The following COX7B variants were observed in gnomAD, a reference collection of about 807,000 sequenced individuals.
The protein encoded by COX7B is cytochrome c oxidase subunit 7B, mitochondrial.
Under a neutral mutation model 7.9 loss-of-function variants are expected in COX7B, and 2 were observed. The observed-to-expected ratio is 0.25, with a 90% CI of 0.10 to 0.79. The LOEUF (loss-of-function observed/expected upper bound fraction) is 0.79. Among genes scored for constraint, COX7B ranks in the 30% least tolerant of loss-of-function variants. The probability of loss-of-function intolerance (pLI) is 0.69; values close to 1 mark genes in which losing one functional copy is unlikely to be tolerated. For synonymous variants in COX7B, 19 were observed against 21.1 expected (o/e 0.90, Z 0.27); for missense variants, 54 against 62.7 (o/e 0.86, Z 0.47).
At chrX:77,902,602 T>G in intron 1 of COX7B, 41 bp from the exon 2 acceptor site, 6 of 1,200,872 alleles carry the variant, frequency 5.0e-6, no homozygotes, top group Non-Finnish European at 6.7e-6. Context: ...ACCTGACAAT[T>G]GATAATATGC....
chrX:77,902,698 T>G lies in COX7B; in HGVS notation c.96T>G (p.Asp32Glu). ...AGAGCCACCAGAAACGTACACCTGA[T>G]TTTCATGACAAATACGGTAATGCTG... ...ARQSHQKRTP[D>E]FHDKYGNAVL... The change falls in exon 2 of 3, where the codon GAT becomes GAG. Residue 32 changes from aspartate (D) to glutamate (E), a missense_variant. Coordinates refer to ENST00000650309, the MANE Select transcript of COX7B (RefSeq NM_001866.3). The G allele has an allele frequency of 8.3e-7, 1 of 1,209,351 alleles. No homozygotes were observed. Among genetic ancestry groups the G allele is most frequent in the Non-Finnish European group, 1.1e-6 (1 of 894,403 alleles).
At chrX:77,904,173 C>T (rs782325126) in intron 2 of COX7B, among the ~76,000 whole-genome samples, 42 of 106,672 alleles carry the variant, frequency 3.9e-4, no homozygotes, top group African/African-American at 1.4e-3. Context: ...ACCTCGTGAT[C>T]CACCCACCTC....
intron 2 of COX7B, among the ~76,000 whole-genome samples, chrX:77,903,917 TTTTTTTGTTTTG>T (rs1334975767): frequency 4.6e-5 from 5 of 109,263 alleles, no homozygotes; most frequent in African/African-American, 1.3e-4. Flanking sequence ...CTGTGTTTTT[TTTTTTTGTTTTG>T]TTTTTTGTTT....
Position 77,902,643 on chromosome X carries a change from T to C in COX7B, c.41T>C (p.Val14Ala), listed in dbSNP as rs781898266. 6 of 1,209,107 alleles carry C rather than the reference T, an allele frequency of 5.0e-6. No individual in the cohort carries two copies. In the South Asian group the frequency reaches 1.1e-4, roughly 21 times the overall value. Residue 14 changes from valine to alanine, a missense_variant and splice_region_variant, in exon 2 of 3, where the codon GTT (valine) becomes GCT (alanine). By Grantham distance (64) the Val-to-Ala change is moderately conservative. Transcript: ENST00000650309. Reference protein sequence around the residue: ...LVKSALNRLQVRSIQQTMARQ... With the variant: ...LVKSALNRLQARSIQQTMARQ... ...TATTCTTTTTTCGTTTTCCTGTAAG[T>C]TCGAAGCATTCAGCAAACAATGGCA...
At chrX:77,904,153 C>T (rs782368594) in intron 2 of COX7B, among the ~76,000 whole-genome samples, 2 of 105,785 alleles carry the variant, frequency 1.9e-5, no homozygotes, top group Admixed American at 1.0e-4. Context: ...AGGATGGTCT[C>T]GATCTCCTGA....
chrX:77,904,389 G>A (rs1312862933), intron 2 of COX7B, among the ~76,000 whole-genome samples: 1 of 108,502 alleles, frequency 9.2e-6, no homozygotes, highest in African/African-American at 3.3e-5. Context: ...GGTGGCTCAC[G>A]CCTGTAGTCC....
chrX:77,901,141 A>G (rs2077118907), intron 1 of COX7B, among the ~76,000 whole-genome samples: 2 of 111,948 alleles, frequency 1.8e-5, no homozygotes, highest in East Asian at 2.8e-4. Context: ...AGGGAAAGCT[A>G]TGTAAGACAG....
rs782106235 is a variant in COX7B, at chrX:77,903,911, GT to G, written c.165+1156del. Among the ~76,000 whole-genome samples the G allele has an allele frequency of 5.6e-3, 492 of 87,917 alleles. 13 individuals carry two copies. The East Asian group carries it at 0.097, about 17-fold the overall frequency. 76.3% of individuals were successfully genotyped at this position (87,917 alleles called of 115,157 possible). A position where few individuals can be genotyped will look rare whatever the true frequency, so the allele number is the denominator to read the frequency against. ...TAAAAGTAGGAGTCCTGAAGTCTGT[GT>G]TTTTTTTTTTTGTTTTGTTTTTTGT... On this transcript the variant is annotated intron_variant, in intron 2 of 2. Coordinates refer to ENST00000650309, the MANE Select transcript of COX7B (RefSeq NM_001866.3).
At position 77,905,993 on chromosome X, in the gene COX7B, C is replaced by G. The variant is rs1282948866; in HGVS notation, c.*732C>G. 8.9e-6 allele frequency: 1 copy of G among 111,733 alleles called. No individual in the cohort carries two copies. The highest frequency in any genetic ancestry group is 1.9e-5 in the Non-Finnish European group (1 of 53,208). 9.2% of individuals were successfully genotyped at this position (111,733 alleles called of 1,213,427 possible). On this transcript the variant is annotated 3_prime_UTR_variant, in exon 3 of 3. Transcript: ENST00000650309. ...AGAGACAGGGTTTCACCATATTGGT[C>G]AGGCTGGTTTCAAACTCACGACCTC...
rs1398558729 is a variant in COX7B at position 77,905,306 on chromosome X, T to A, written c.*45T>A. 6 of 1,006,984 alleles carry A rather than the reference T, an allele frequency of 6.0e-6. No homozygotes were observed. Among genetic ancestry groups the A allele is most frequent in the Non-Finnish European group, 8.4e-6 (6 of 712,508 alleles). 83.0% of individuals were successfully genotyped at this position (1,006,984 alleles called of 1,213,427 possible). On this transcript the variant is annotated 3_prime_UTR_variant, in exon 3 of 3. Transcript: ENST00000650309. ...AATGAATTGTTTAAAAAACAGCTCATAATTGATGCCAAATTAAAGCACTGT... is the reference window on the plus strand; with the variant it reads ...AATGAATTGTTTAAAAAACAGCTCAAAATTGATGCCAAATTAAAGCACTGT...
rs374052875 is a variant in COX7B, at chrX:77,899,507, C to G, written c.-47C>G. 247 of 1,198,925 alleles carry G rather than the reference C, an allele frequency of 2.1e-4. No homozygotes were observed. The highest frequency in any genetic ancestry group is 5.3e-4 in the South Asian group (30 of 56,297). ...TTCAAGGGTACCTGAAGCGAATTGGCACCAAAGCAGCAGCTGTATTGCCGC... is the reference window on the plus strand; with the variant it reads ...TTCAAGGGTACCTGAAGCGAATTGGGACCAAAGCAGCAGCTGTATTGCCGC... On this transcript the variant is annotated 5_prime_UTR_variant, in exon 1 of 3. Coordinates refer to ENST00000650309, the MANE Select transcript of COX7B (RefSeq NM_001866.3).
intron 2 of COX7B, among the ~76,000 whole-genome samples, chrX:77,903,563 T>C (rs940361089): frequency 4.5e-5 from 5 of 111,087 alleles, no homozygotes; most frequent in African/African-American, 9.8e-5. Context: ...CCATTGTTCA[T>C]TGAAGCACAG....
intron 2 of COX7B, among the ~76,000 whole-genome samples, chrX:77,904,006 C>T (rs1214107725): frequency 3.0e-5 from 3 of 101,106 alleles, no homozygotes; most frequent in African/African-American, 1.1e-4. Context: ...GATCTCTGCT[C>T]ACTGCAAACT....
In COX7B at chrX:77,899,488, G is replaced by C; in HGVS notation, c.-66G>C. ...ATTTTGTTTTTCAGCTCACTTCAAGGGTACCTGAAGCGAATTGGCACCAAA... is the reference window on the plus strand; with the variant it reads ...ATTTTGTTTTTCAGCTCACTTCAAGCGTACCTGAAGCGAATTGGCACCAAA... On this transcript the variant is annotated 5_prime_UTR_variant, in exon 1 of 3. Transcript: ENST00000650309. The C allele has an allele frequency of 8.7e-7, 1 of 1,143,909 alleles. No homozygotes were observed. The highest frequency in any genetic ancestry group is 1.2e-6 in the Non-Finnish European group (1 of 835,429). 94.3% of individuals were successfully genotyped at this position (1,143,909 alleles called of 1,213,427 possible). A position where few individuals can be genotyped will look rare whatever the true frequency, so the allele number is the denominator to read the frequency against.
Position 77,904,220 on chromosome X carries a change from C to T in COX7B, c.166-964C>T, listed in dbSNP as rs185311022. On this transcript the variant is annotated intron_variant, in intron 2 of 2. Transcript: ENST00000650309. ...GTGCTGGGATTACAAGCGTGAGCCACTGCGCCCGGCCCGAAGTCTTAATAA... is the reference window on the plus strand; with the variant it reads ...GTGCTGGGATTACAAGCGTGAGCCATTGCGCCCGGCCCGAAGTCTTAATAA... 2.9e-3 allele frequency among the ~76,000 whole-genome samples: 313 copies of T among 109,081 alleles called. 1 individual carries two copies. Among genetic ancestry groups the T allele is most frequent in the African/African-American group, 9.9e-3 (298 of 30,066 alleles). The allele number at this position is 109,081 out of a possible 115,157, so 94.7% of individuals were successfully genotyped here.
chrX:77,903,058 C>G (rs1221358642), intron 2 of COX7B: 2 of 162,708 alleles, frequency 1.2e-5, no homozygotes. Flanking sequence ...AGAAGTCTTG[C>G]TGTGTCCCCC....
At chrX:77,903,124 C>G (rs1347834193) in intron 2 of COX7B, 1 of 113,448 alleles carries the variant, frequency 8.8e-6, no homozygotes, top group Non-Finnish European at 1.8e-5. Flanking sequence ...CTCCTGGGTT[C>G]AAGCACTTCT....
Position 77,906,514 on chromosome X carries a change from A to G in COX7B, c.*1253A>G, listed in dbSNP as rs781959870. The G allele has an allele frequency of 8.9e-6, 1 of 112,399 alleles. No individual in the cohort carries two copies. Among genetic ancestry groups the G allele is most frequent in the Admixed American group, 9.5e-5 (1 of 10,575 alleles). 9.3% of individuals were successfully genotyped at this position (112,399 alleles called of 1,213,427 possible). On this transcript the variant is annotated 3_prime_UTR_variant, in exon 3 of 3. Coordinates refer to ENST00000650309, the MANE Select transcript of COX7B (RefSeq NM_001866.3). ...AGTCTGTTCCTAGTTATCTACTATC[A>G]GTCACCTGTTGTATAATTATAACAA...
At chrX:77,902,620 TTC>T in intron 1 of COX7B, 21 bp from the exon 2 acceptor site, 2 of 1,207,434 alleles carry the variant, frequency 1.7e-6, no homozygotes, top group Non-Finnish European at 2.2e-6. Flanking sequence ...TGCTTCTGTA[TTC>T]TTTTTTCGTT....
Sources: gnomAD v4.1 joint callset for allele counts (sites outside exome capture counted in the v4.1 genomes callset) on GRCh38, gnomAD v4.1.1 for gene constraint, MANE v1.5 for transcripts, NCBI Gene and HGNC (gene_info 2026-07-23, HGNC 2026-07-21) for gene names.